The following PRKD1 variants were observed in gnomAD, a reference collection of about 807,000 sequenced individuals.
The protein encoded by PRKD1 is protein kinase D1, also known as serine/threonine-protein kinase D1.
Under a neutral mutation model 95.9 loss-of-function variants are expected in PRKD1, and 63 were observed. That is an observed-to-expected ratio of 0.66 (90% confidence interval 0.54 to 0.81). The LOEUF (loss-of-function observed/expected upper bound fraction) is 0.81, where lower values mean the gene tolerates loss of function less well. Among genes scored for constraint, PRKD1 ranks in the 30% least tolerant of loss-of-function variants. PRKD1 has a pLI of 0.00. For synonymous variants in PRKD1, 425 were observed against 423.1 expected (o/e 1.00, Z -0.05); for missense variants, 1,048 against 1,165.3 (o/e 0.90, Z 1.47).
At chr14:29,925,327 A>G (rs1327093688) in intron 1 of PRKD1, among the ~76,000 whole-genome samples, 1 of 152,172 alleles carries the variant, frequency 6.6e-6, no homozygotes, top group Admixed American at 6.5e-5. Flanking sequence ...AAACCTCCAT[A>G]CAGCAAATCC....
intron 1 of PRKD1, among the ~76,000 whole-genome samples, chr14:29,901,166 A>G (rs1162341005): frequency 2.0e-5 from 3 of 152,210 alleles, no homozygotes; most frequent in Non-Finnish European, 4.4e-5. Flanking sequence ...CATAAAAAAG[A>G]ATGGAATCAT....
At chr14:29,702,651 CA>C (rs1488654205) in intron 2 of PRKD1, among the ~76,000 whole-genome samples, 1 of 151,942 alleles carries the variant, frequency 6.6e-6, no homozygotes, top group African/African-American at 2.4e-5. Flanking sequence ...TTTAGATTTT[CA>C]AAGGTATTGA....
At chr14:29,617,938 G>C (rs1439616113) in intron 13 of PRKD1, among the ~76,000 whole-genome samples, 1 of 151,714 alleles carries the variant, frequency 6.6e-6, no homozygotes, top group Non-Finnish European at 1.5e-5. Flanking sequence ...AAGCTTGGTG[G>C]GGCATGCCTG....
chr14:29,868,990 T>A (rs1454191233), intron 1 of PRKD1, among the ~76,000 whole-genome samples: 1 of 152,192 alleles, frequency 6.6e-6, no homozygotes, highest in African/African-American at 2.4e-5. Flanking sequence ...CACTGAGGAA[T>A]GTTCTCTGAA....
At chr14:29,910,200 C>A (rs1399058582) in intron 1 of PRKD1, among the ~76,000 whole-genome samples, 3 of 152,118 alleles carry the variant, frequency 2.0e-5, no homozygotes, top group Non-Finnish European at 4.4e-5. Flanking sequence ...CCAGTGAGAC[C>A]ATGAACCTAC....
At chr14:29,687,216 T>C (rs1883934236) in intron 2 of PRKD1, among the ~76,000 whole-genome samples, 1 of 152,152 alleles carries the variant, frequency 6.6e-6, no homozygotes, top group South Asian at 2.1e-4. Flanking sequence ...TGATAATGCA[T>C]GAGGAAAAGC....
chr14:29,902,034 C>T (rs45544532), intron 1 of PRKD1, among the ~76,000 whole-genome samples: 2,959 of 152,250 alleles, frequency 0.019, 34 homozygotes, highest in Middle Eastern at 0.031. Flanking sequence ...TCTCTTGCCA[C>T]ACTATCATAC....
chr14:29,881,077 G>T (rs545205369), intron 1 of PRKD1, among the ~76,000 whole-genome samples: 1 of 152,270 alleles, frequency 6.6e-6, no homozygotes, highest in South Asian at 2.1e-4. Flanking sequence ...AGGCATGATT[G>T]GTTTTGAAAT....
intron 1 of PRKD1, among the ~76,000 whole-genome samples, chr14:29,896,739 C>T (rs1212051922): frequency 7.7e-6 from 1 of 130,388 alleles, no homozygotes; most frequent in African/African-American, 3.0e-5. Flanking sequence ...AAAAAAAAAA[C>T]AGGGAGAGAG....
chr14:29,721,430 C>T (rs1209149274), intron 2 of PRKD1, among the ~76,000 whole-genome samples: 1 of 152,120 alleles, frequency 6.6e-6, no homozygotes. Flanking sequence ...TATTTAACTA[C>T]CTACAAGATA....
Position 29,642,426 on chromosome 14 carries a change from A to C in PRKD1, c.697-3522T>G, listed in dbSNP as rs7143444. Reference sequence around the variant, plus strand: ...CAAGCTACAGAGCAGGCAAAAATTCAGAAATTAATAGTTTTAAAGGAAATG... The same window carrying C: ...CAAGCTACAGAGCAGGCAAAAATTCCGAAATTAATAGTTTTAAAGGAAATG... On this transcript the variant is annotated intron_variant, in intron 4 of 17. Coordinates refer to ENST00000331968, the MANE Select transcript of PRKD1 (RefSeq NM_002742.3). Among the ~76,000 whole-genome samples the C allele has an allele frequency of 4.0e-3, 604 of 152,342 alleles. 4 individuals are homozygous for C. Among genetic ancestry groups the C allele is most frequent in the African/African-American group, 0.013 (546 of 41,584 alleles).
chr14:29,838,055 C>T (rs1891679419), intron 1 of PRKD1, among the ~76,000 whole-genome samples: 1 of 152,118 alleles, frequency 6.6e-6, no homozygotes, highest in Non-Finnish European at 1.5e-5. Context: ...ACAAAACTCC[C>T]CCTGTTTGCA....
chr14:29,697,197 C>A (rs528528227), intron 2 of PRKD1, among the ~76,000 whole-genome samples: 129 of 151,514 alleles, frequency 8.5e-4, no homozygotes, highest in Admixed American at 2.7e-3. Context: ...ACCACCACCA[C>A]CAACAACAAA....
At chr14:29,873,446 A>C (rs971237024) in intron 1 of PRKD1, among the ~76,000 whole-genome samples, 5 of 150,628 alleles carry the variant, frequency 3.3e-5, no homozygotes, top group African/African-American at 1.2e-4. Context: ...CTTTAGCTAG[A>C]TATTAGGTCA....
chr14:29,723,904 G>A (rs1270530424), intron 2 of PRKD1, among the ~76,000 whole-genome samples: 1 of 152,066 alleles, frequency 6.6e-6, no homozygotes, highest in Non-Finnish European at 1.5e-5. Context: ...CAACAACTGT[G>A]GCCAGGAAAA....
intron 1 of PRKD1, among the ~76,000 whole-genome samples, chr14:29,919,642 C>T (rs995274538): frequency 6.6e-6 from 1 of 152,226 alleles, no homozygotes; most frequent in African/African-American, 2.4e-5. Context: ...TCACCATTTT[C>T]TTTGTATCTA....
At chr14:29,757,893 G>A (rs1887786055) in intron 1 of PRKD1, among the ~76,000 whole-genome samples, 1 of 151,884 alleles carries the variant, frequency 6.6e-6, no homozygotes, top group African/African-American at 2.4e-5. Context: ...GGTGTAATGT[G>A]TACCAGGAAA....
intron 2 of PRKD1, among the ~76,000 whole-genome samples, chr14:29,714,652 T>C (rs189064772): frequency 6.6e-6 from 1 of 152,290 alleles, no homozygotes; most frequent in Admixed American, 6.5e-5. Context: ...TAAAGACACA[T>C]GCACACATAT....
At chr14:29,741,662 G>T (rs183891052) in intron 1 of PRKD1, among the ~76,000 whole-genome samples, 38 of 152,024 alleles carry the variant, frequency 2.5e-4, no homozygotes, top group Admixed American at 5.9e-4. Context: ...TGCAATTTCT[G>T]CTTGCCTTCT....
Sources: allele counts gnomAD v4.1 joint callset (sites outside exome capture counted in the v4.1 genomes callset), GRCh38; gene constraint gnomAD v4.1.1; transcripts MANE v1.5; gene names NCBI Gene and HGNC (gene_info 2026-07-23, HGNC 2026-07-21).